Variants in ANO4 observed in about 807,000 individuals in gnomAD.
The protein encoded by ANO4 is anoctamin-4.
In ANO4, 69 loss-of-function variants were observed where a neutral mutation model predicts 141.9. That is an observed-to-expected ratio of 0.49 (90% CI 0.40 to 0.59). The LOEUF is 0.59. ANO4 is among the 20% of genes least tolerant of loss of function. The pLI, the probability that ANO4 is intolerant of heterozygous loss-of-function variation, is 0.00. For missense variants in ANO4, 894 were observed against 1,162.2 expected (o/e 0.77, Z 3.36); for synonymous variants, 350 against 394.3 (o/e 0.89, Z 1.33).
intron 1 of ANO4, among the ~76,000 whole-genome samples, chr12:100,840,002 G>A (rs1316641134): frequency 1.3e-5 from 2 of 152,008 alleles, no homozygotes; most frequent in Non-Finnish European, 2.9e-5. Context: ...TGGTTATTTT[G>A]AATTTTTGTA....
At chr12:100,872,296 C>T (rs2039075357) in intron 1 of ANO4, among the ~76,000 whole-genome samples, 2 of 152,036 alleles carry the variant, frequency 1.3e-5, no homozygotes, top group African/African-American at 4.8e-5. Context: ...CATGATGGAT[C>T]CTGTCATAGT....
At chr12:101,072,769 G>A (rs569180252) in intron 14 of ANO4, among the ~76,000 whole-genome samples, 4 of 152,192 alleles carry the variant, frequency 2.6e-5, no homozygotes, top group East Asian at 1.9e-4. Context: ...CAAAAAGTGG[G>A]CAAAGGATAT....
intron 1 of ANO4, among the ~76,000 whole-genome samples, chr12:100,861,791 A>G (rs2038492878): frequency 6.6e-6 from 1 of 152,172 alleles, no homozygotes; most frequent in Admixed American, 6.5e-5. Flanking sequence ...GTACAAAAGT[A>G]TTTCCTTTCA....
At chr12:101,099,531 C>A in intron 21 of ANO4, 47 bp from the exon 22 acceptor site, 1 of 1,529,050 alleles carries the variant, frequency 6.5e-7, no homozygotes, top group South Asian at 1.3e-5. Flanking sequence ...TTACCTAAGT[C>A]ATATGATCAG....
At chr12:101,004,922 G>A (rs531706581) in intron 8 of ANO4, among the ~76,000 whole-genome samples, 1 of 152,308 alleles carries the variant, frequency 6.6e-6, no homozygotes, top group Non-Finnish European at 1.5e-5. Flanking sequence ...GGGGGATCAT[G>A]GAAGATAAAT....
chr12:100,908,794 C>A (rs536747922), intron 2 of ANO4, among the ~76,000 whole-genome samples: 46 of 152,278 alleles, frequency 3.0e-4, no homozygotes, highest in African/African-American at 1.0e-3. Context: ...GAAGTGTTCT[C>A]TAAGGCCCAC....
intron 8 of ANO4, among the ~76,000 whole-genome samples, chr12:100,998,739 C>G (rs760853276): frequency 3.3e-5 from 5 of 152,200 alleles, no homozygotes; most frequent in Admixed American, 6.5e-5. Context: ...CTCTCTCACA[C>G]TAGCCAGCTA....
chr12:101,109,669 A>G (rs936634801), intron 22 of ANO4, among the ~76,000 whole-genome samples: 5 of 152,192 alleles, frequency 3.3e-5, no homozygotes, highest in Admixed American at 3.3e-4. Context: ...TACTCTGAGA[A>G]TCTACAAATA....
intron 2 of ANO4, among the ~76,000 whole-genome samples, chr12:100,917,980 A>C (rs1473414837): frequency 6.6e-6 from 1 of 152,222 alleles, no homozygotes; most frequent in Admixed American, 6.5e-5. Flanking sequence ...AATAATTATT[A>C]ATCTCCACAA....
intron 14 of ANO4, among the ~76,000 whole-genome samples, chr12:101,054,574 A>G (rs1451032682): frequency 6.6e-6 from 1 of 152,168 alleles, no homozygotes; most frequent in Non-Finnish European, 1.5e-5. Context: ...ATCTCGGCTC[A>G]TTGCAAGCTC....
intron 3 of ANO4, among the ~76,000 whole-genome samples, chr12:100,747,285 A>C (rs889578200): frequency 6.6e-6 from 1 of 152,158 alleles, no homozygotes; most frequent in African/African-American, 2.4e-5. Flanking sequence ...CCTTTTGCCA[A>C]CCATACTCTA....
chr12:100,998,379 TTATCTATCTATCTATCTATC>T (rs5800449), intron 8 of ANO4, among the ~76,000 whole-genome samples: 1 of 148,766 alleles, frequency 6.7e-6, no homozygotes, highest in Non-Finnish European at 1.5e-5. Flanking sequence ...AAACTCCCCT[TTATCTATCTATCTATCTATC>T]TATCTATCTA....
intron 2 of ANO4, among the ~76,000 whole-genome samples, chr12:100,921,413 G>A (rs2041625441): frequency 6.6e-6 from 1 of 152,056 alleles, no homozygotes; most frequent in Non-Finnish European, 1.5e-5. Context: ...CTGGAAGCTA[G>A]GGCATGTTCC....
chr12:100,946,791 A>G (rs1033137521), intron 5 of ANO4, among the ~76,000 whole-genome samples: 39 of 152,212 alleles, frequency 2.6e-4, no homozygotes, highest in Non-Finnish European at 2.9e-5. Context: ...CATGGGGAAC[A>G]CTAGTGTTAC....
At position 101,020,092 on chromosome 12, in the gene ANO4, C is replaced by T. The variant is rs201748002; in HGVS notation, c.793C>T (p.His265Tyr). ...CAATGCCACAAGAAGTAGAATCGTGCATCACATTTTACAAAGAATAAAATA... is the reference window on the plus strand; with the variant it reads ...CAATGCCACAAGAAGTAGAATCGTGTATCACATTTTACAAAGAATAAAATA... ...FNNATRSRIVHHILQRIKYEE... is the reference protein window; with the variant it reads ...FNNATRSRIVYHILQRIKYEE... Residue 265 changes from histidine to tyrosine, a missense_variant, in exon 9 of 28, where the codon CAT becomes TAT. Physicochemically the swap from His to Tyr is moderately conservative, Grantham distance 83. Transcript: ENST00000392977. The T allele has an allele frequency of 1.2e-6, 2 of 1,613,560 alleles. No homozygotes were observed. Among genetic ancestry groups the T allele is most frequent in the East Asian group, 2.2e-5 (1 of 44,866 alleles).
intron 1 of ANO4, among the ~76,000 whole-genome samples, chr12:100,818,666 T>G (rs2035863080): frequency 6.6e-6 from 1 of 151,950 alleles, no homozygotes; most frequent in Admixed American, 6.6e-5. Flanking sequence ...TACTCTAGGT[T>G]TGTGACATTG....
intron 4 of ANO4, among the ~76,000 whole-genome samples, chr12:100,940,914 A>G (rs944878823): frequency 1.3e-5 from 2 of 152,130 alleles, no homozygotes; most frequent in African/African-American, 2.4e-5. Context: ...TTTGTTCTTT[A>G]CTTTTTAATA....
At chr12:100,779,323 T>G (rs1352439824) in intron 3 of ANO4, among the ~76,000 whole-genome samples, 1 of 152,204 alleles carries the variant, frequency 6.6e-6, no homozygotes, top group Non-Finnish European at 1.5e-5. Flanking sequence ...CTTCTTCTAG[T>G]TTGATTCCAG....
At chr12:100,755,141 G>A (rs2032552833) in intron 3 of ANO4, among the ~76,000 whole-genome samples, 1 of 152,206 alleles carries the variant, frequency 6.6e-6, no homozygotes, top group African/African-American at 2.4e-5. Context: ...ATTTCATAGT[G>A]TGGGGTTCAT....
Sources: allele counts gnomAD v4.1 joint callset (sites outside exome capture counted in the v4.1 genomes callset), GRCh38; gene constraint gnomAD v4.1.1; transcripts MANE v1.5; gene names NCBI Gene and HGNC (gene_info 2026-07-23, HGNC 2026-07-21).